Variants in CSMD3 observed in about 807,000 individuals in gnomAD.
CSMD3 encodes CUB and sushi domain-containing protein 3.
In CSMD3, 177 loss-of-function variants were observed where a neutral mutation model predicts 435.2. The ratio of observed to expected loss-of-function variants is 0.41; its 90% CI spans 0.36 to 0.46. The LOEUF is 0.46. Ranked by LOEUF, CSMD3 falls within the 20% of genes least tolerant of loss-of-function variation. The pLI is 0.34. For synonymous variants in CSMD3, 1,656 were observed against 1,520.5 expected, an observed-to-expected ratio of 1.09 and a Z score of -2.07; for missense variants, 4,265 against 4,504.6, an observed-to-expected ratio of 0.95 and a Z score of 1.52.
In CSMD3 at chr8:112,500,203, G is replaced by A. The variant is rs140062470; in HGVS notation, c.5083+3587C>T. Among the ~76,000 whole-genome samples the A allele has an allele frequency of 5.3e-4, 81 of 151,918 alleles. 1 individual carries two copies. In the East Asian group the frequency reaches 0.015, roughly 28 times the overall value. ...AACAGAGGAAATAACATAGATAAAA[G>A]CAATACTAATAAAAATATTAAACAG... On this transcript the variant is annotated intron_variant, in intron 30 of 70. Transcript: ENST00000297405.
At chr8:112,677,924 G>A (rs2075803346) in intron 16 of CSMD3, among the ~76,000 whole-genome samples, 1 of 152,100 alleles carries the variant, frequency 6.6e-6, no homozygotes, top group South Asian at 2.1e-4. Flanking sequence ...ACAATGGATT[G>A]ATTGTGGCTC....
At chr8:113,055,323 G>A (rs922339456) in intron 5 of CSMD3, among the ~76,000 whole-genome samples, 9 of 152,104 alleles carry the variant, frequency 5.9e-5, no homozygotes, top group Non-Finnish European at 1.3e-4. Context: ...GCCTTGAGAA[G>A]TATTTCATAG....
intron 59 of CSMD3, among the ~76,000 whole-genome samples, chr8:112,267,190 T>C (rs1418877707): frequency 6.6e-6 from 1 of 152,186 alleles, no homozygotes; most frequent in African/African-American, 2.4e-5. Flanking sequence ...TCATATTCTA[T>C]TCTGTTGATT....
At chr8:112,400,115 C>T (rs559629175) in intron 35 of CSMD3, among the ~76,000 whole-genome samples, 2 of 152,164 alleles carry the variant, frequency 1.3e-5, no homozygotes, top group East Asian at 1.9e-4. Flanking sequence ...GTTCAGGCTA[C>T]TATAACAAAA....
chr8:113,275,421 G>A (rs2093562367), intron 3 of CSMD3, among the ~76,000 whole-genome samples: 1 of 152,114 alleles, frequency 6.6e-6, no homozygotes, highest in African/African-American at 2.4e-5. Flanking sequence ...GCATATTCCA[G>A]GGCTCCACGG....
intron 2 of CSMD3, among the ~76,000 whole-genome samples, chr8:113,295,910 A>C (rs915655050): frequency 1.3e-5 from 2 of 152,188 alleles, no homozygotes; most frequent in South Asian, 2.1e-4. Context: ...ATGTCCAACA[A>C]TCATAGACTG....
chr8:112,998,626 A>G (rs1587853893), intron 6 of CSMD3, among the ~76,000 whole-genome samples: 1 of 151,882 alleles, frequency 6.6e-6, no homozygotes, highest in Non-Finnish European at 1.5e-5. Flanking sequence ...GGTTTTCCTA[A>G]ATTTCATCAC....
chr8:112,286,978 G>C (rs1250471928), intron 58 of CSMD3, 86 bp downstream of exon 58: 79 of 1,059,672 alleles, frequency 7.5e-5, no homozygotes, highest in Non-Finnish European at 1.1e-4. Context: ...ACTAGTAAGA[G>C]TAATTTTCCT....
intron 1 of CSMD3, among the ~76,000 whole-genome samples, chr8:113,434,563 G>A (rs892771148): frequency 2.0e-5 from 3 of 152,106 alleles, no homozygotes; most frequent in African/African-American, 7.2e-5. Flanking sequence ...GTCGTAAAAT[G>A]TAGGAGATGC....
intron 9 of CSMD3, among the ~76,000 whole-genome samples, chr8:112,927,324 T>C (rs909270047): frequency 6.6e-6 from 1 of 152,098 alleles, no homozygotes; most frequent in Non-Finnish European, 1.5e-5. Flanking sequence ...AATTCCAAAA[T>C]TCTAGTTCTT....
At chr8:112,522,105 T>C (rs1824351087) in intron 27 of CSMD3, among the ~76,000 whole-genome samples, 1 of 151,842 alleles carries the variant, frequency 6.6e-6, no homozygotes, top group South Asian at 2.1e-4. Flanking sequence ...GTTGTTATAA[T>C]AAATTAGAAA....
intron 14 of CSMD3, among the ~76,000 whole-genome samples, chr8:112,687,684 G>C (rs867354394): frequency 2.6e-5 from 4 of 151,978 alleles, no homozygotes; most frequent in African/African-American, 4.8e-5. Flanking sequence ...TTTATGAGTT[G>C]AACTGAAGCT....
chr8:113,031,442 A>G (rs1238035880), intron 5 of CSMD3, among the ~76,000 whole-genome samples: 2 of 151,708 alleles, frequency 1.3e-5, no homozygotes, highest in Admixed American at 1.3e-4. Context: ...AATTCCATTC[A>G]TATAACATTC....
intron 3 of CSMD3, among the ~76,000 whole-genome samples, chr8:113,229,909 A>G (rs754340510): frequency 4.6e-5 from 7 of 151,330 alleles, no homozygotes; most frequent in Non-Finnish European, 8.9e-5. Flanking sequence ...CTCTCTCTAT[A>G]CCTGTATTTT....
chr8:112,828,798 G>A (rs984947268), intron 12 of CSMD3, among the ~76,000 whole-genome samples: 3 of 152,112 alleles, frequency 2.0e-5, no homozygotes, highest in Non-Finnish European at 4.4e-5. Context: ...TATCCACGTT[G>A]CAGACAGGGG....
chr8:113,125,922 G>A (rs1337343877), intron 4 of CSMD3, among the ~76,000 whole-genome samples: 1 of 151,884 alleles, frequency 6.6e-6, no homozygotes, highest in African/African-American at 2.4e-5. Context: ...GATCAAAGGA[G>A]ATTGCTCAGT....
intron 13 of CSMD3, among the ~76,000 whole-genome samples, chr8:112,703,670 C>A (rs111780831): frequency 2.0e-5 from 3 of 152,196 alleles, no homozygotes; most frequent in African/African-American, 7.2e-5. Context: ...GTAAAACTTG[C>A]AGTTTTGCTG....
At chr8:113,049,340 G>A (rs1269847278) in intron 5 of CSMD3, among the ~76,000 whole-genome samples, 2 of 151,822 alleles carry the variant, frequency 1.3e-5, no homozygotes, top group Non-Finnish European at 1.5e-5. Flanking sequence ...GTGCCCAGGG[G>A]CCCATATCCT....
At chr8:113,391,594 T>C (rs994650436) in intron 1 of CSMD3, among the ~76,000 whole-genome samples, 6 of 152,024 alleles carry the variant, frequency 3.9e-5, no homozygotes, top group Non-Finnish European at 7.4e-5. Flanking sequence ...TGAAGTTTTA[T>C]TTAATAAAAA....
Sources: allele counts gnomAD v4.1 joint callset (sites outside exome capture counted in the v4.1 genomes callset), GRCh38; gene constraint gnomAD v4.1.1; transcripts MANE v1.5; gene names NCBI Gene and HGNC (gene_info 2026-07-23, HGNC 2026-07-21).